The following ACSL1 variants were observed in gnomAD, a reference collection of about 807,000 sequenced individuals.
The protein encoded by ACSL1 is acyl-CoA synthetase long chain family member 1.
A neutral mutation model predicts 98.4 loss-of-function variants in ACSL1; 41 were observed. The observed-to-expected ratio is 0.42, with a 90% CI of 0.32 to 0.54. The LOEUF (loss-of-function observed/expected upper bound fraction) is 0.54. ACSL1 is among the 20% of genes least tolerant of loss of function. ACSL1 has a pLI of 0.13. For missense variants in ACSL1, 734 were observed against 883.1 expected (o/e 0.83, Z 2.14); for synonymous variants, 316 against 322.7 (o/e 0.98, Z 0.22).
At chr4:184,800,577 T>G (rs1280768315) in intron 2 of ACSL1, among the ~76,000 whole-genome samples, 1 of 152,130 alleles carries the variant, frequency 6.6e-6, no homozygotes, top group Admixed American at 6.5e-5. Flanking sequence ...AAAATCTGCT[T>G]CTATCCATTG....
At chr4:184,814,596 T>C (rs1207065398) in intron 1 of ACSL1, among the ~76,000 whole-genome samples, 2 of 152,196 alleles carry the variant, frequency 1.3e-5, no homozygotes, top group East Asian at 1.9e-4. Flanking sequence ...TTTTTTACTA[T>C]GGAAAAATTA....
intron 1 of ACSL1, among the ~76,000 whole-genome samples, chr4:184,814,799 T>C (rs1233889382): frequency 6.6e-6 from 1 of 152,144 alleles, no homozygotes; most frequent in Non-Finnish European, 1.5e-5. Context: ...CTGGAAAATA[T>C]GTAGCTATGC....
Position 184,757,373 on chromosome 4 carries a change from C to T in ACSL1, c.1957-108G>A. 4 of 1,387,784 alleles carry T rather than the reference C, an allele frequency of 2.9e-6. No individual in the cohort carries two copies. The Admixed American group carries it at 1.0e-4, about 35-fold the overall frequency. 86.0% of individuals were successfully genotyped at this position (1,387,784 alleles called of 1,614,324 possible). Reference sequence around the variant, plus strand: ...ACACTCTCCAGCCATCCAATCCATCCTCTCATTTCAGCCAAGCTGCACCTT... The same window carrying T: ...ACACTCTCCAGCCATCCAATCCATCTTCTCATTTCAGCCAAGCTGCACCTT... On this transcript the variant is annotated intron_variant, in intron 20 of 20. Transcript: ENST00000281455. This position sits in a 1 kb window ranked among gnomAD's most constrained non-coding sequence, Gnocchi z 4.5.
intron 11 of ACSL1, chr4:184,770,152 TCAGAAA>T: frequency 8.9e-7 from 1 of 1,124,118 alleles, no homozygotes. Context: ...CTGTTCATAC[TCAGAAA>T]AAGAATTTAT....
chr4:184,777,100 C>T, intron 5 of ACSL1, 117 bp from the exon 6 acceptor site: 7 of 846,208 alleles, frequency 8.3e-6, no homozygotes, highest in Non-Finnish European at 1.3e-5. Flanking sequence ...AAATTAACAT[C>T]TGTGTTAGCT....
At chr4:184,777,087 G>T in intron 5 of ACSL1, 104 bp from the exon 6 acceptor site, 1 of 1,040,928 alleles carries the variant, frequency 9.6e-7, no homozygotes, top group Non-Finnish European at 1.4e-6. Context: ...ATTTGACGCA[G>T]CAAAATTAAC....
chr4:184,765,014 C>A, intron 14 of ACSL1, 89 bp from the exon 15 acceptor site: 1 of 1,257,522 alleles, frequency 8.0e-7, no homozygotes, highest in East Asian at 2.5e-5. Context: ...CACTAACTCC[C>A]AAGTCATGGC....
At chr4:184,758,913 C>T (rs1270264257) in intron 18 of ACSL1, 1 of 123,168 alleles carries the variant, frequency 8.1e-6, no homozygotes, top group East Asian at 2.9e-4. Context: ...CCCCACCCCA[C>T]AACAGGCCCT....
At chr4:184,770,528 G>A (rs766703217) in intron 10 of ACSL1, 52 bp from the exon 11 acceptor site, 14 of 1,476,702 alleles carry the variant, frequency 9.5e-6, no homozygotes, top group East Asian at 4.6e-5. Flanking sequence ...TCCCAGTGAA[G>A]GGGAACATCG....
intron 6 of ACSL1, 23 bp downstream of exon 6, chr4:184,776,861 C>A: frequency 1.2e-6 from 2 of 1,605,962 alleles, no homozygotes; most frequent in Non-Finnish European, 1.7e-6. Context: ...TGCCAATAAT[C>A]CAGGCAAAGA....
At chr4:184,767,480 G>A (rs145264207) in intron 12 of ACSL1, among the ~76,000 whole-genome samples, 2 of 152,202 alleles carry the variant, frequency 1.3e-5, no homozygotes, top group East Asian at 1.9e-4. Context: ...ACAGATGAGC[G>A]GATGCTGAAG....
intron 1 of ACSL1, among the ~76,000 whole-genome samples, chr4:184,812,415 G>A (rs1217053432): frequency 6.6e-6 from 1 of 152,080 alleles, no homozygotes; most frequent in Non-Finnish European, 1.5e-5. Context: ...AAGAAAGGGG[G>A]TATTAAGCAT....
rs148949481 is a variant in ACSL1, at chr4:184,770,466, T to C, written c.926A>G (p.Asn309Ser). The change falls in exon 11 of 21, where the codon AAT (asparagine) becomes AGT (serine). Residue 309 changes from asparagine to serine, a missense_variant. Asn to Ser is a conservative substitution (Grantham distance 46). Transcript: ENST00000281455. ...AFVKATENTVNPCPDDTLISF... is the reference protein window; with the variant it reads ...AFVKATENTVSPCPDDTLISF... Reference sequence around the variant, plus strand: ...TATCAAAGTATCATCTGGGCAAGGATTGACTGTATTCTGTAAGCAAAGACA... The same window carrying C: ...TATCAAAGTATCATCTGGGCAAGGACTGACTGTATTCTGTAAGCAAAGACA... 5.0e-6 allele frequency: 8 copies of C among 1,612,484 alleles called. No individual in the cohort carries two copies. The highest frequency in any genetic ancestry group is 1.7e-5 in the Admixed American group (1 of 59,888).
intron 1 of ACSL1, among the ~76,000 whole-genome samples, chr4:184,824,698 C>G (rs1031441683): frequency 5.9e-5 from 9 of 152,172 alleles, no homozygotes; most frequent in African/African-American, 2.2e-4. Context: ...TCACACTGCA[C>G]TGTCTGGCTC....
Position 184,773,160 on chromosome 4 carries a change from GA to G in ACSL1, c.842-7del. 6.2e-7 allele frequency: 1 copy of G among 1,612,200 alleles called. No homozygotes were observed. The highest frequency in any genetic ancestry group is 8.5e-7 in the Non-Finnish European group (1 of 1,178,306). On this transcript the variant is annotated splice_polypyrimidine_tract_variant and splice_region_variant and intron_variant, in intron 9 of 20. Coordinates refer to ENST00000281455, the MANE Select transcript of ACSL1 (RefSeq NM_001995.5). This position sits in a 1 kb window ranked among gnomAD's most constrained non-coding sequence, Gnocchi z 4.3. Reference sequence around the variant, plus strand: ...CATTGCTCCTTTGGGGTTGCCTGTGGAGCACATATGAAGCAGAACAAAGTTA... The same window carrying G: ...CATTGCTCCTTTGGGGTTGCCTGTGGGCACATATGAAGCAGAACAAAGTTA...
At chr4:184,822,548 G>A (rs1041932998) in intron 1 of ACSL1, among the ~76,000 whole-genome samples, 8 of 152,084 alleles carry the variant, frequency 5.3e-5, no homozygotes, top group African/African-American at 1.4e-4. Context: ...AGACAACTGG[G>A]CAATATGGCA....
chr4:184,820,342 G>C (rs1320237851), intron 1 of ACSL1, among the ~76,000 whole-genome samples: 1 of 152,068 alleles, frequency 6.6e-6, no homozygotes, highest in African/African-American at 2.4e-5. Context: ...TTGTTCTCCA[G>C]CCTTACAAGA....
Position 184,803,290 on chromosome 4 carries a change from C to A in ACSL1, c.195+30G>T, listed in dbSNP as rs374082592. Reference sequence around the variant, plus strand: ...CTCATCTGGGGAAATGCGGAGAAAACGCACGAGGCAGGCTGGGCCCTCCAC... The same window carrying A: ...CTCATCTGGGGAAATGCGGAGAAAAAGCACGAGGCAGGCTGGGCCCTCCAC... On this transcript the variant is annotated intron_variant, in intron 2 of 20. Coordinates refer to ENST00000281455, the MANE Select transcript of ACSL1 (RefSeq NM_001995.5). The surrounding 1 kb of genome is among the most constrained non-coding windows in gnomAD (Gnocchi z 4.8). The A allele has an allele frequency of 1.3e-6, 2 of 1,494,186 alleles. No individual in the cohort carries two copies. The highest frequency in any genetic ancestry group is 1.8e-6 in the Non-Finnish European group (2 of 1,116,062). The allele number at this position is 1,494,186 out of a possible 1,614,324, so 92.6% of individuals were successfully genotyped here.
At chr4:184,799,414 G>A (rs992546503) in intron 2 of ACSL1, among the ~76,000 whole-genome samples, 35 of 152,036 alleles carry the variant, frequency 2.3e-4, no homozygotes, top group African/African-American at 8.4e-4. Context: ...ACTGTGCCCA[G>A]CCCACTACCC....
Sources: gnomAD v4.1 joint callset for allele counts (sites outside exome capture counted in the v4.1 genomes callset) on GRCh38, gnomAD v4.1.1 for gene constraint, Gnocchi (gnomAD v3.1) non-coding constraint, MANE v1.5 for transcripts, NCBI Gene and HGNC (gene_info 2026-07-23, HGNC 2026-07-21) for gene names.